SECISBP2L: variants seen among roughly 807,000 people sequenced by gnomAD.
The protein encoded by SECISBP2L is SECIS binding protein 2 like, also known as selenocysteine insertion sequence-binding protein 2-like.
In SECISBP2L, 43 loss-of-function variants were observed where a neutral mutation model predicts 114.7. That is an observed-to-expected ratio of 0.38 (90% CI 0.29 to 0.48). The LOEUF is 0.48. SECISBP2L is among the 20% of genes least tolerant of loss of function. The probability of loss-of-function intolerance (pLI) is 0.98; values close to 1 mark genes in which losing one functional copy is unlikely to be tolerated. For missense variants in SECISBP2L, 1,136 were observed against 1,301.1 expected, an observed-to-expected ratio of 0.87 and a Z score of 1.95; for synonymous variants, 451 against 439.7, an observed-to-expected ratio of 1.03 and a Z score of -0.32.
intron 15 of SECISBP2L, 49 bp downstream of exon 15, chr15:49,000,828 T>C (rs772947989): frequency 6.9e-7 from 1 of 1,450,378 alleles, no homozygotes; most frequent in Admixed American, 1.9e-5. Flanking sequence ...ATTCACTGTA[T>C]ATCCCACAGC....
intron 1 of SECISBP2L, among the ~76,000 whole-genome samples, chr15:49,040,116 C>A (rs974049290): frequency 6.6e-6 from 1 of 152,112 alleles, no homozygotes; most frequent in African/African-American, 2.4e-5. Flanking sequence ...TTCATTTGTA[C>A]TTCATAGAAA....
At position 49,037,687 on chromosome 15, in the gene SECISBP2L, G is replaced by C. The variant is rs750427056; in HGVS notation, c.107C>G (p.Pro36Arg). 1.9e-6 allele frequency: 3 copies of C among 1,613,834 alleles called. No individual in the cohort carries two copies. Among genetic ancestry groups the C allele is most frequent in the Non-Finnish European group, 2.5e-6 (3 of 1,179,844 alleles). Residue 36 changes from proline (P) to arginine (R), a missense_variant, in exon 2 of 18, where the codon CCA becomes CGA. By Grantham distance (103) the Pro-to-Arg change is moderately radical (BLOSUM62 -2). Around this residue, in one of 2 missense-constraint regions of SECISBP2L, gnomAD observed 452 missense variants for 452.3 expected, o/e 1.00. Coordinates refer to ENST00000559471, the MANE Select transcript of SECISBP2L (RefSeq NM_001193489.2). ...ACCAGAAACACTTCCATTATCATTT[G>C]GGAGAGCCATAGGGATCATAAATGT... ...PDTFMIPMAL[P>R]NDNGSVSGVE...
chr15:49,025,599 G>A (rs576720778), intron 7 of SECISBP2L, among the ~76,000 whole-genome samples: 2 of 152,220 alleles, frequency 1.3e-5, no homozygotes, highest in Admixed American at 1.3e-4. Flanking sequence ...GATTTGAACA[G>A]TCATTTCTCA....
chr15:49,011,522 A>C, intron 13 of SECISBP2L: 1 of 437,132 alleles, frequency 2.3e-6, no homozygotes. Context: ...CAAAAATGTC[A>C]TAGGCCTACT....
intron 16 of SECISBP2L, among the ~76,000 whole-genome samples, chr15:48,998,275 A>T (rs555219429): frequency 6.6e-6 from 1 of 152,364 alleles, no homozygotes; most frequent in Admixed American, 6.5e-5. Flanking sequence ...TTAAAATAGC[A>T]GGTATAATAT....
chr15:49,020,223 T>A (rs1344930924), intron 7 of SECISBP2L, among the ~76,000 whole-genome samples: 2 of 152,180 alleles, frequency 1.3e-5, no homozygotes. Flanking sequence ...TTATTTTTTT[T>A]AGAGACGTGA....
At chr15:49,018,213 A>G (rs913925404) in intron 8 of SECISBP2L, among the ~76,000 whole-genome samples, 1 of 152,132 alleles carries the variant, frequency 6.6e-6, no homozygotes, top group Non-Finnish European at 1.5e-5. Flanking sequence ...ATATACTCTC[A>G]AGTCCTTTGG....
chr15:49,002,092 C>T (rs1204961399), intron 14 of SECISBP2L, among the ~76,000 whole-genome samples: 1 of 152,146 alleles, frequency 6.6e-6, no homozygotes, highest in Admixed American at 6.5e-5. Flanking sequence ...TAAAAGCATT[C>T]CTATTTCTCC....
chr15:49,044,987 GTA>G (rs1880376770), intron 1 of SECISBP2L, among the ~76,000 whole-genome samples: 1 of 151,996 alleles, frequency 6.6e-6, no homozygotes, highest in African/African-American at 2.4e-5. Flanking sequence ...GAAATCTCAG[GTA>G]TTTATGATAG....
At position 49,037,636 on chromosome 15, in the gene SECISBP2L, T is replaced by C. The variant is rs1322960367; in HGVS notation, c.158A>G (p.Tyr53Cys). The C allele has an allele frequency of 3.1e-6, 5 of 1,613,664 alleles. No homozygotes were observed. The highest frequency in any genetic ancestry group is 2.2e-5 in the East Asian group (1 of 44,870). ...SGVEPTPIPS[Y>C]LITCYPFVQE... is the part of the protein sequence containing the mutation. ...CACAAATGGGTAACAAGTAATCAGG[T>C]AGCTGGGAATTGGAGTTGGTTCCAC... is the stretch of plus-strand genomic sequence containing the variant. The change falls in exon 2 of 18, where the codon TAC (tyrosine) becomes TGC (cysteine). Residue 53 changes from tyrosine (Y) to cysteine (C), a missense_variant. Physicochemically the swap from Tyr to Cys is radical, Grantham distance 194. This residue lies in a region of SECISBP2L where 452 missense variants were observed against 452.3 expected (regional missense o/e 1.00). Coordinates refer to ENST00000559471, the MANE Select transcript of SECISBP2L (RefSeq NM_001193489.2).
chr15:49,046,249 C>G (rs189688509), intron 1 of SECISBP2L, 27 bp downstream of exon 1: 1 of 1,565,776 alleles, frequency 6.4e-7, no homozygotes, highest in East Asian at 2.4e-5. Context: ...ACCCCCGGCT[C>G]GGCGGGCCCA....
rs1902460837 is a variant in SECISBP2L at position 49,012,707 on chromosome 15, C to T, written c.1672G>A (p.Ala558Thr). The T allele has an allele frequency of 6.3e-7, 1 of 1,599,754 alleles. No homozygotes were observed. Among genetic ancestry groups the T allele is most frequent in the Non-Finnish European group, 8.5e-7 (1 of 1,172,764 alleles). Residue 558 changes from alanine (A) to threonine (T), a missense_variant, in exon 12 of 18, where the codon GCA becomes ACA. Transcript: ENST00000559471. ...ATTTCCTTCTCTTTTCCTTTTTTTG[C>T]TTTAGAAGAAGCAATGTCCACAGAA... ...FNSVDIASSK[A>T]KKGKEKEIAK... is the part of the protein sequence containing the mutation.
chr15:48,997,363 T>G (rs895769870), intron 16 of SECISBP2L, among the ~76,000 whole-genome samples: 2 of 152,128 alleles, frequency 1.3e-5, no homozygotes, highest in Non-Finnish European at 2.9e-5. Context: ...CAAAAGTAAG[T>G]TGGTGATAAT....
intron 6 of SECISBP2L, 46 bp from the exon 7 acceptor site, chr15:49,027,526 G>A: frequency 8.0e-7 from 1 of 1,251,424 alleles, no homozygotes; most frequent in South Asian, 1.6e-5. Flanking sequence ...ATAAAAGGTA[G>A]GAAAACCTAA....
chr15:49,023,573 C>T (rs1467664331), intron 7 of SECISBP2L, among the ~76,000 whole-genome samples: 1 of 152,184 alleles, frequency 6.6e-6, no homozygotes, highest in Non-Finnish European at 1.5e-5. Flanking sequence ...ATACACATTT[C>T]TAAATGACAC....
chr15:49,039,956 C>T (rs928401384), intron 1 of SECISBP2L, among the ~76,000 whole-genome samples: 1 of 151,986 alleles, frequency 6.6e-6, no homozygotes, highest in Non-Finnish European at 1.5e-5. Context: ...TCAATCTTAA[C>T]CATACTAATA....
intron 4 of SECISBP2L, among the ~76,000 whole-genome samples, chr15:49,032,270 A>G (rs1902905467): frequency 6.6e-6 from 1 of 152,222 alleles, no homozygotes; most frequent in Admixed American, 6.5e-5. Context: ...ACTAGTGTCA[A>G]TAACTATGGG....
In SECISBP2L at chr15:49,012,701, T is replaced by C; in HGVS notation, c.1678A>G (p.Lys560Glu). The C allele has an allele frequency of 6.2e-7, 1 of 1,613,910 alleles. No individual in the cohort carries two copies. Among genetic ancestry groups the C allele is most frequent in the Non-Finnish European group, 8.5e-7 (1 of 1,179,944 alleles). The change falls in exon 12 of 18, where the codon AAA becomes GAA. Residue 560 changes from lysine (K) to glutamate (E), a missense_variant. Transcript: ENST00000559471. ...SVDIASSKAK[K>E]GKEKEIAKLK... ...TTTGCAATTTCCTTCTCTTTTCCTT[T>C]TTTTGCTTTAGAAGAAGCAATGTCC...
chr15:49,025,979 T>A (rs1190104893), intron 7 of SECISBP2L, among the ~76,000 whole-genome samples: 2 of 152,144 alleles, frequency 1.3e-5, no homozygotes, highest in African/African-American at 4.8e-5. Context: ...TCAACTTAAG[T>A]GTCCATCAGC....
Sources: gnomAD v4.1 joint callset for allele counts (sites outside exome capture counted in the v4.1 genomes callset) on GRCh38, gnomAD v4.1.1 for gene constraint, gnomAD v4.1.1 regional missense constraint, MANE v1.5 for transcripts, NCBI Gene and HGNC (gene_info 2026-07-23, HGNC 2026-07-21) for gene names.